Variants in LRPPRC observed in about 807,000 individuals in gnomAD.
The protein encoded by LRPPRC is leucine rich pentatricopeptide repeat containing, also known as leucine-rich PPR motif-containing protein, mitochondrial.
In LRPPRC, 120 loss-of-function variants were observed where a neutral mutation model predicts 180.3. That is an observed-to-expected ratio of 0.67 (90% CI 0.57 to 0.77). The LOEUF (loss-of-function observed/expected upper bound fraction) is 0.77. LRPPRC is among the 30% of genes least tolerant of loss of function. The pLI is 0.00. For synonymous variants in LRPPRC, 723 were observed against 600.0 expected (o/e 1.21, Z -3.00); for missense variants, 2,012 against 1,657.2 (o/e 1.21, Z -3.72).
At chr2:43,940,329 G>A (rs1672433494) in intron 23 of LRPPRC, among the ~76,000 whole-genome samples, 1 of 152,178 alleles carries the variant, frequency 6.6e-6, no homozygotes, top group African/African-American at 2.4e-5. Flanking sequence ...TTGAAGGGGA[G>A]CATGTGTAAC....
chr2:43,974,422 CAAT>C (rs905025091), intron 8 of LRPPRC, 127 bp from the exon 9 acceptor site: 6 of 833,310 alleles, frequency 7.2e-6, no homozygotes, highest in African/African-American at 6.8e-5. Context: ...GCCTAAATAA[CAAT>C]AAAACACCTG....
At chr2:43,922,691 G>A (rs762559870) in intron 27 of LRPPRC, among the ~76,000 whole-genome samples, 3 of 152,102 alleles carry the variant, frequency 2.0e-5, no homozygotes, top group Non-Finnish European at 4.4e-5. Context: ...CCCGGGAGGC[G>A]GAGCTTGCAG....
At chr2:43,901,260 A>G (rs1670872260) in intron 32 of LRPPRC, 60 bp downstream of exon 32, 4 of 1,377,008 alleles carry the variant, frequency 2.9e-6, no homozygotes, top group East Asian at 2.3e-5. Context: ...AAAAGGTGGT[A>G]TCTGAGGCAA....
intron 22 of LRPPRC, 87 bp downstream of exon 22, chr2:43,945,245 G>A (rs1350965902): frequency 3.0e-5 from 28 of 924,612 alleles, no homozygotes; most frequent in Admixed American, 6.9e-5. Flanking sequence ...CACTTTGCAG[G>A]ACATGATATC....
At chr2:43,919,668 G>C (rs1230023531) in intron 27 of LRPPRC, among the ~76,000 whole-genome samples, 1 of 152,092 alleles carries the variant, frequency 6.6e-6, no homozygotes, top group Non-Finnish European at 1.5e-5. Context: ...GGTTGGAAGA[G>C]GAAACATCAA....
intron 12 of LRPPRC, 156 bp downstream of exon 12, chr2:43,963,432 G>C (rs1673430655): frequency 1.5e-6 from 1 of 667,768 alleles, no homozygotes; most frequent in Non-Finnish European, 2.7e-6. Context: ...CAATGAGAGA[G>C]AAACTCCATC....
intron 34 of LRPPRC, among the ~76,000 whole-genome samples, chr2:43,897,547 C>T (rs1558898811): frequency 1.3e-5 from 2 of 152,194 alleles, no homozygotes; most frequent in South Asian, 2.1e-4. Context: ...AAGTATTCTT[C>T]GCTACGGCAA....
At chr2:43,899,421 G>A in intron 33 of LRPPRC, 45 bp downstream of exon 33, 4 of 1,613,088 alleles carry the variant, frequency 2.5e-6, no homozygotes, top group Non-Finnish European at 3.4e-6. Context: ...TCTCACTAGA[G>A]AGAAAATGTG....
intron 11 of LRPPRC, among the ~76,000 whole-genome samples, chr2:43,966,918 G>A (rs186179083): frequency 1.3e-4 from 20 of 151,838 alleles, no homozygotes; most frequent in Admixed American, 3.9e-4. Context: ...GGGTGTGGTG[G>A]CACACACCTG....
intron 23 of LRPPRC, among the ~76,000 whole-genome samples, chr2:43,940,830 T>C (rs1672453033): frequency 6.6e-6 from 1 of 152,184 alleles, no homozygotes. Context: ...CATTTCTTTC[T>C]TCCTTAATGT....
chr2:43,974,825 A>G, intron 7 of LRPPRC, 67 bp from the exon 8 acceptor site: 2 of 1,495,458 alleles, frequency 1.3e-6, no homozygotes, highest in Non-Finnish European at 9.3e-7. Flanking sequence ...AAAGCTAAAT[A>G]AAATATCCAG....
chr2:43,956,179 A>C (rs889207647), intron 14 of LRPPRC, among the ~76,000 whole-genome samples: 4 of 152,140 alleles, frequency 2.6e-5, no homozygotes, highest in African/African-American at 9.7e-5. Flanking sequence ...ACAAACAAAA[A>C]AGCTAAGGAA....
At chr2:43,934,081 CTATTAACATGAATCAGAACAAG>C in intron 25 of LRPPRC, 87 bp downstream of exon 25, 1 of 702,354 alleles carries the variant, frequency 1.4e-6, no homozygotes, top group East Asian at 2.8e-5. Flanking sequence ...GGATTGAATT[CTATTAACATGAATCAGAACAAG>C]TGTAATTAAA....
At chr2:43,914,712 G>A (rs991364221) in intron 29 of LRPPRC, among the ~76,000 whole-genome samples, 2 of 151,894 alleles carry the variant, frequency 1.3e-5, no homozygotes, top group Admixed American at 6.6e-5. Flanking sequence ...CTGGGTGATA[G>A]AGCAACATTC....
intron 11 of LRPPRC, 169 bp from the exon 12 acceptor site, chr2:43,963,875 AT>A: frequency 1.6e-6 from 1 of 636,132 alleles, no homozygotes; most frequent in African/African-American, 1.8e-5. Flanking sequence ...TGATAAAAAA[AT>A]TAACTCCTCC....
At chr2:43,917,593 T>A (rs535140821) in intron 29 of LRPPRC, among the ~76,000 whole-genome samples, 2 of 151,968 alleles carry the variant, frequency 1.3e-5, no homozygotes, top group South Asian at 2.1e-4. Context: ...ATCGAAACCA[T>A]CCTGGCTAAC....
rs1291463926 is a variant in LRPPRC at position 43,943,932 on chromosome 2, C to T, written c.2297-38G>A. On this transcript the variant is annotated intron_variant, in intron 22 of 37. Transcript: ENST00000260665. ...AACACAAAAGACCCTTAGGTAATTT[C>T]ATGTAGGGAAAACAAACTGCTATTA... 4.7e-6 allele frequency: 7 copies of T among 1,478,378 alleles called. No individual in the cohort carries two copies. The South Asian group carries it at 8.0e-5, about 17-fold the overall frequency. 91.6% of individuals were successfully genotyped at this position (1,478,378 alleles called of 1,614,324 possible). A position where few individuals can be genotyped will look rare whatever the true frequency, so the allele number is the denominator to read the frequency against.
intron 15 of LRPPRC, among the ~76,000 whole-genome samples, chr2:43,950,205 C>CT (rs373640532): frequency 0.034 from 5,050 of 148,336 alleles, 287 homozygotes; most frequent in African/African-American, 0.12. Flanking sequence ...CTCATGGATT[C>CT]TTTTTTTTTT....
chr2:43,974,643 T>C lies in LRPPRC; in HGVS notation c.980A>G (p.Lys327Arg). 2 of 1,607,156 alleles carry C rather than the reference T, an allele frequency of 1.2e-6. No homozygotes were observed. Among genetic ancestry groups the C allele is most frequent in the Non-Finnish European group, 1.7e-6 (2 of 1,173,836 alleles). The change falls in exon 8 of 38, where the codon AAA becomes AGA. Residue 327 changes from lysine (K) to arginine (R), a missense_variant. Coordinates refer to ENST00000260665, the MANE Select transcript of LRPPRC (RefSeq NM_133259.4). ...AATATATCTTCTTTCACATGTAACT[T>C]TTTCCAAAATTTCTGAGACATACTG... ...YPQYVSEILEKVTCERRYIPD... is the reference protein window; with the variant it reads ...YPQYVSEILERVTCERRYIPD...
Sources: gnomAD v4.1 joint callset for allele counts (sites outside exome capture counted in the v4.1 genomes callset) on GRCh38, gnomAD v4.1.1 for gene constraint, MANE v1.5 for transcripts, NCBI Gene and HGNC (gene_info 2026-07-23, HGNC 2026-07-21) for gene names.